The following NAALADL2 variants were observed in gnomAD, a reference collection of about 807,000 sequenced individuals.
NAALADL2 encodes N-acetylated alpha-linked acidic dipeptidase like 2, also known as inactive N-acetylated-alpha-linked acidic dipeptidase-like protein 2.
In NAALADL2, 76 loss-of-function variants were observed where a neutral mutation model predicts 87.2. That is an observed-to-expected ratio of 0.87 (90% confidence interval 0.72 to 1.05). The LOEUF is 1.05. Ranked by LOEUF, NAALADL2 falls within the 50% of genes least tolerant of loss-of-function variation. The pLI is 0.00. For synonymous variants in NAALADL2, 354 were observed against 331.0 expected (o/e 1.07, Z -0.75); for missense variants, 1,089 against 945.8 (o/e 1.15, Z -1.99).
intron 1 of NAALADL2, among the ~76,000 whole-genome samples, chr3:174,998,227 C>T (rs1243357205): frequency 6.6e-6 from 1 of 152,054 alleles, no homozygotes; most frequent in Non-Finnish European, 1.5e-5. Flanking sequence ...ACAAGGATAC[C>T]CTATTATAAT....
intron 2 of NAALADL2, among the ~76,000 whole-genome samples, chr3:175,134,605 A>C (rs557687597): frequency 6.6e-6 from 1 of 152,326 alleles, no homozygotes; most frequent in East Asian, 1.9e-4. Context: ...GCTGAGTAAA[A>C]AATACAGCAG....
intron 1 of NAALADL2, among the ~76,000 whole-genome samples, chr3:174,511,363 G>A (rs1277515392): frequency 6.6e-6 from 1 of 151,664 alleles, no homozygotes; most frequent in East Asian, 1.9e-4. Context: ...TGAACTTTTA[G>A]GACTATTATG....
intron 5 of NAALADL2, among the ~76,000 whole-genome samples, chr3:175,333,485 G>A (rs1238316317): frequency 6.6e-6 from 1 of 152,174 alleles, no homozygotes; most frequent in Admixed American, 6.5e-5. Context: ...ATACTATTTA[G>A]CCATCAAAGA....
At chr3:175,257,811 A>G (rs190832037) in intron 4 of NAALADL2, among the ~76,000 whole-genome samples, 6 of 152,190 alleles carry the variant, frequency 3.9e-5, no homozygotes, top group Non-Finnish European at 5.9e-5. Context: ...AATAATTACA[A>G]TACTAGTGAT....
chr3:174,904,479 T>C (rs1020487220), intron 1 of NAALADL2, among the ~76,000 whole-genome samples: 1 of 151,910 alleles, frequency 6.6e-6, no homozygotes, highest in African/African-American at 2.4e-5. Flanking sequence ...ACATTTCCTG[T>C]GTAATCAAAA....
At chr3:175,368,891 T>G (rs902040437) in intron 5 of NAALADL2, among the ~76,000 whole-genome samples, 1 of 151,938 alleles carries the variant, frequency 6.6e-6, no homozygotes, top group Non-Finnish European at 1.5e-5. Context: ...CAGCGAAATA[T>G]GATATAAAAG....
At chr3:174,629,574 A>C (rs1721910177) in intron 2 of NAALADL2, among the ~76,000 whole-genome samples, 1 of 152,222 alleles carries the variant, frequency 6.6e-6, no homozygotes, top group South Asian at 2.1e-4. Context: ...TAGTGTATTT[A>C]TAATATGCTT....
At chr3:175,722,258 A>G (rs953805080) in intron 11 of NAALADL2, among the ~76,000 whole-genome samples, 4 of 152,096 alleles carry the variant, frequency 2.6e-5, no homozygotes, top group Non-Finnish European at 5.9e-5. Context: ...ATTTATCTAA[A>G]ATGTTTGACC....
intron 2 of NAALADL2, among the ~76,000 whole-genome samples, chr3:175,130,526 G>A (rs976230734): frequency 1.3e-5 from 2 of 152,156 alleles, no homozygotes; most frequent in Non-Finnish European, 2.9e-5. Context: ...GGTACGTGGT[G>A]TAAGACAAGG....
chr3:175,636,696 T>TAA lies in NAALADL2; in HGVS notation c.1896+9327_1896+9328dup, dbSNP rs529189291. On this transcript the variant is annotated intron_variant, in intron 11 of 13. Coordinates refer to ENST00000454872, the MANE Select transcript of NAALADL2 (RefSeq NM_207015.3). ...CTTGGTGACAGAGCAAGACTCCATC[T>TAA]AAAAAAAAAAAAAAAAAAGAAAAAA... Among the ~76,000 whole-genome samples the TAA allele has an allele frequency of 6.6e-4, 54 of 82,398 alleles. No homozygotes were observed. The East Asian group carries it at 7.9e-3, about 12-fold the overall frequency. The allele number at this position is 82,398 out of a possible 152,430, so 54.1% of individuals were successfully genotyped here.
chr3:175,161,053 T>C (rs367597225), intron 2 of NAALADL2, among the ~76,000 whole-genome samples: 46 of 152,268 alleles, frequency 3.0e-4, no homozygotes, highest in African/African-American at 1.1e-3. Flanking sequence ...AAAGTACATA[T>C]GGAAGCATAG....
At chr3:175,126,765 T>C (rs900003984) in intron 2 of NAALADL2, among the ~76,000 whole-genome samples, 2 of 152,064 alleles carry the variant, frequency 1.3e-5, no homozygotes, top group African/African-American at 4.8e-5. Context: ...ACATAAATAT[T>C]TGCAACAGAA....
At chr3:175,156,568 A>G (rs1732364134) in intron 2 of NAALADL2, among the ~76,000 whole-genome samples, 1 of 145,074 alleles carries the variant, frequency 6.9e-6, no homozygotes, top group African/African-American at 2.7e-5. Flanking sequence ...AATGTATCCT[A>G]TATTTTTGTT....
At chr3:174,801,486 A>C (rs1718825351) in intron 3 of NAALADL2, among the ~76,000 whole-genome samples, 1 of 152,190 alleles carries the variant, frequency 6.6e-6, no homozygotes, top group African/African-American at 2.4e-5. Flanking sequence ...TAAATTGCCC[A>C]GTCTCAGGTA....
chr3:174,712,766 T>A (rs1277658782), intron 2 of NAALADL2, among the ~76,000 whole-genome samples: 1 of 152,164 alleles, frequency 6.6e-6, no homozygotes, highest in African/African-American at 2.4e-5. Flanking sequence ...ACACTTTTTT[T>A]TATCTTTAAT....
Position 175,471,721 on chromosome 3 carries a change from C to A in NAALADL2, c.1616C>A (p.Pro539His), listed in dbSNP as rs1582030617. The change falls in exon 9 of 14, where the codon CCT becomes CAT. Residue 539 changes from proline to histidine, a missense_variant. Pro to His is a moderately conservative substitution (Grantham distance 77). Coordinates refer to ENST00000454872, the MANE Select transcript of NAALADL2 (RefSeq NM_207015.3). ...ATAAGGGGGAACTCTAGTCTGTATC[C>A]TGTAGCATCACCATCTCTTCAGCAA... The part of the protein sequence containing the change: ...SPIRGNSSLY[P>H]VASPSLQQLV... 1.9e-6 allele frequency: 3 copies of A among 1,607,966 alleles called. No individual in the cohort carries two copies. In the East Asian group the frequency reaches 6.7e-5, roughly 36 times the overall value.
intron 2 of NAALADL2, among the ~76,000 whole-genome samples, chr3:175,138,888 AT>A (rs1729552690): frequency 1.6e-4 from 3 of 18,236 alleles, no homozygotes; most frequent in Non-Finnish European, 2.7e-4. Context: ...GCCTTTTAAA[AT>A]ATATATATAT....
chr3:174,866,200 C>T (rs1490997219), intron 1 of NAALADL2, among the ~76,000 whole-genome samples: 2 of 151,950 alleles, frequency 1.3e-5, no homozygotes, highest in South Asian at 4.1e-4. Context: ...GGATAAGAGA[C>T]AGGCCTAACT....
chr3:175,232,601 A>C (rs916039048), intron 2 of NAALADL2, among the ~76,000 whole-genome samples: 5 of 152,152 alleles, frequency 3.3e-5, no homozygotes, highest in African/African-American at 1.2e-4. Flanking sequence ...AAAGTCTCAA[A>C]ATGTTTTCAG....
Sources: gnomAD v4.1 joint callset for allele counts (sites outside exome capture counted in the v4.1 genomes callset) on GRCh38, gnomAD v4.1.1 for gene constraint, MANE v1.5 for transcripts, NCBI Gene and HGNC (gene_info 2026-07-23, HGNC 2026-07-21) for gene names.